U2AF2: variants seen among roughly 807,000 people sequenced by gnomAD.
U2AF2 encodes the protein splicing factor U2AF 65 kDa subunit.
In U2AF2, 6 loss-of-function variants were observed where a neutral mutation model predicts 52.6. The observed-to-expected ratio is 0.11, with a 90% confidence interval of 0.06 to 0.23. The LOEUF is 0.23. Ranked by LOEUF, U2AF2 falls within the 10% of genes least tolerant of loss-of-function variation. The pLI, the probability that U2AF2 is intolerant of heterozygous loss-of-function variation, is 1.00. For synonymous variants in U2AF2, 284 were observed against 258.2 expected (o/e 1.10, Z -0.96); for missense variants, 222 against 677.1 (o/e 0.33, Z 7.46).
At position 55,668,955 on chromosome 19, in the gene U2AF2, A is replaced by G. The variant is rs1459407332; in HGVS notation, c.946-128A>G. On this transcript the variant is annotated intron_variant, in intron 9 of 11. Transcript: ENST00000308924. The surrounding 1 kb of genome is among the most constrained non-coding windows in gnomAD (Gnocchi z 5.5). ...CTGTCCCATGGCGTTGGCTTTTTCC[A>G]GGCTCTTAATCCCCTTTGCCTTCCC... 2.7e-6 allele frequency: 4 copies of G among 1,476,156 alleles called. No homozygotes were observed. The South Asian group carries it at 5.2e-5, about 19-fold the overall frequency. 91.4% of individuals were successfully genotyped at this position (1,476,156 alleles called of 1,614,324 possible).
At chr19:55,662,233 G>A in intron 5 of U2AF2, 1 of 357,232 alleles carries the variant, frequency 2.8e-6, no homozygotes, top group Non-Finnish European at 5.1e-6. Context: ...ATTTTTTGGG[G>A]CCCCTGTGGC....
At chr19:55,665,084 C>T (rs147416840) in intron 7 of U2AF2, among the ~76,000 whole-genome samples, 4 of 152,322 alleles carry the variant, frequency 2.6e-5, no homozygotes, top group African/African-American at 7.2e-5. Flanking sequence ...TATATGTTGA[C>T]ATGCTCCCAA....
intron 11 of U2AF2, among the ~76,000 whole-genome samples, chr19:55,672,320 T>C (rs554200386): frequency 6.6e-6 from 1 of 152,206 alleles, no homozygotes; most frequent in Admixed American, 6.5e-5. Flanking sequence ...AATTTTCATA[T>C]TCAGCTTATT....
chr19:55,655,912 AC>A lies in U2AF2; in HGVS notation c.49+761del, dbSNP rs770747566. The stretch of plus-strand genomic sequence containing the variant: ...TCGCGATATGGAGTGTTTGAGACAA[AC>A]CTCAAATCATTTACAATCCCAATCT... On this transcript the variant is annotated intron_variant, in intron 1 of 11. Coordinates refer to ENST00000308924, the MANE Select transcript of U2AF2 (RefSeq NM_007279.3). Among the ~76,000 whole-genome samples, 28 of 152,146 alleles carry A rather than the reference AC, an allele frequency of 1.8e-4. No individual in the cohort carries two copies. The East Asian group carries it at 3.5e-3, about 19-fold the overall frequency.
chr19:55,661,081 C>A lies in U2AF2; in HGVS notation c.378C>A (p.Thr126=). 6.2e-7 allele frequency: 1 copy of A among 1,609,484 alleles called. No homozygotes were observed. Among genetic ancestry groups the A allele is most frequent in the Non-Finnish European group, 8.5e-7 (1 of 1,176,448 alleles). ...CCACTGCTCTTCTCCCCACCATGAC[C>A]CCTGACGGTCTGGCTGTGACCCCAA... ...IPATALLPTM[T]PDGLAVTPTP... is the part of the protein sequence containing the mutation. Residue 126 remains threonine (T), a synonymous_variant, in exon 5 of 12, where the codon ACC becomes ACA. Coordinates refer to ENST00000308924, the MANE Select transcript of U2AF2 (RefSeq NM_007279.3).
intron 1 of U2AF2, among the ~76,000 whole-genome samples, chr19:55,658,299 G>GC (rs111842476): frequency 7.3e-4 from 46 of 62,908 alleles, no homozygotes; most frequent in Admixed American, 2.1e-3. Context: ...GAACCCCCCC[G>GC]CCCCCCCATG....
intron 1 of U2AF2, 74 bp from the exon 2 acceptor site, chr19:55,659,136 A>T (rs1983988489): frequency 4.9e-6 from 7 of 1,421,806 alleles, no homozygotes; most frequent in Non-Finnish European, 5.6e-6. Flanking sequence ...GGACATAGCC[A>T]CCAGCGCGCA....
chr19:55,658,790 G>A (rs534755258), intron 1 of U2AF2: 1 of 161,382 alleles, frequency 6.2e-6, no homozygotes, highest in African/African-American at 2.4e-5. Flanking sequence ...GTGCCAGCTA[G>A]TTGCAGAGGT....
At position 55,668,846 on chromosome 19, in the gene U2AF2, G is replaced by T; in HGVS notation, c.945+54G>T. 1 of 1,576,232 alleles carries T rather than the reference G, an allele frequency of 6.3e-7. No homozygotes were observed. Among genetic ancestry groups the T allele is most frequent in the Non-Finnish European group, 8.6e-7 (1 of 1,157,356 alleles). ...CGTCTGTCCTTCCCTGCCCTGCGCTGTTGCCAAGCCATGGTCTCCCCTCCT... is the reference window on the plus strand; with the variant it reads ...CGTCTGTCCTTCCCTGCCCTGCGCTTTTGCCAAGCCATGGTCTCCCCTCCT... On this transcript the variant is annotated intron_variant, in intron 9 of 11. Coordinates refer to ENST00000308924, the MANE Select transcript of U2AF2 (RefSeq NM_007279.3). This position sits in a 1 kb window ranked among gnomAD's most constrained non-coding sequence, Gnocchi z 5.5.
intron 11 of U2AF2, among the ~76,000 whole-genome samples, chr19:55,673,414 T>G (rs527302866): frequency 6.6e-6 from 1 of 152,094 alleles, no homozygotes; most frequent in South Asian, 2.1e-4. Context: ...CATTGTATCC[T>G]TCCCTCCCTC....
chr19:55,666,052 G>A (rs1352947310), intron 7 of U2AF2, among the ~76,000 whole-genome samples: 1 of 152,212 alleles, frequency 6.6e-6, no homozygotes, highest in African/African-American at 2.4e-5. Context: ...AGGAACCGTG[G>A]GTTATGGATC....
At position 55,668,127 on chromosome 19, in the gene U2AF2, A is replaced by AGGGGT. The variant is rs1984662735; in HGVS notation, c.743-373_743-369dup. ...GCCTTGCCTGGGTGGCTGTCAGAGA[A>AGGGGT]GGGGTGGGGTGTGTTGTGACTCACC... On this transcript the variant is annotated intron_variant, in intron 7 of 11. Coordinates refer to ENST00000308924, the MANE Select transcript of U2AF2 (RefSeq NM_007279.3). The surrounding 1 kb of genome is among the most constrained non-coding windows in gnomAD (Gnocchi z 5.5). Among the ~76,000 whole-genome samples the AGGGGT allele has an allele frequency of 6.6e-6, 1 of 152,100 alleles. No individual in the cohort carries two copies. The highest frequency in any genetic ancestry group is 1.5e-5 in the Non-Finnish European group (1 of 67,996).
chr19:55,666,215 A>AG (rs1984541280), intron 7 of U2AF2, among the ~76,000 whole-genome samples: 1 of 152,114 alleles, frequency 6.6e-6, no homozygotes, highest in African/African-American at 2.4e-5. Context: ...TCACCATGGG[A>AG]GGGGACATTG....
intron 7 of U2AF2, among the ~76,000 whole-genome samples, chr19:55,666,732 A>G (rs1042577206): frequency 3.3e-5 from 5 of 152,212 alleles, no homozygotes; most frequent in African/African-American, 1.2e-4. Context: ...CCATGAACCC[A>G]GGGAGCCCAA....
chr19:55,669,797 C>T (rs1600083538), intron 11 of U2AF2, 105 bp downstream of exon 11: 1 of 1,435,100 alleles, frequency 7.0e-7, no homozygotes, highest in Non-Finnish European at 9.2e-7. Context: ...CTCCTCTTCT[C>T]CGCGCGCTCT....
chr19:55,667,982 A>G (rs1984653535), intron 7 of U2AF2, among the ~76,000 whole-genome samples: 1 of 152,006 alleles, frequency 6.6e-6, no homozygotes, highest in Non-Finnish European at 1.5e-5. Context: ...ACGGGGTTTC[A>G]CCATGTTGGA....
Position 55,668,024 on chromosome 19 carries a change from T to C in U2AF2, c.743-483T>C, listed in dbSNP as rs887852033. On this transcript the variant is annotated intron_variant, in intron 7 of 11. Coordinates refer to ENST00000308924, the MANE Select transcript of U2AF2 (RefSeq NM_007279.3). This position sits in a 1 kb window ranked among gnomAD's most constrained non-coding sequence, Gnocchi z 5.5. ...GGTCTTATCTCTTGACCTTGTGATC[T>C]GCCCGCCTTGGCCTCCCAAAGTGCT... 1.3e-5 allele frequency among the ~76,000 whole-genome samples: 2 copies of C among 152,090 alleles called. No homozygotes were observed. The highest frequency in any genetic ancestry group is 2.9e-5 in the Non-Finnish European group (2 of 68,006).
At chr19:55,657,091 T>C (rs1007089451) in intron 1 of U2AF2, among the ~76,000 whole-genome samples, 6 of 152,254 alleles carry the variant, frequency 3.9e-5, no homozygotes. Flanking sequence ...AGTTCCACTC[T>C]GCTGGACCAA....
intron 5 of U2AF2, chr19:55,662,081 C>G (rs1275387541): frequency 5.9e-6 from 1 of 169,074 alleles, no homozygotes; most frequent in African/African-American, 2.4e-5. Flanking sequence ...TTTCTACTTT[C>G]CTGCCACTTT....
Sources: allele counts gnomAD v4.1 joint callset (sites outside exome capture counted in the v4.1 genomes callset), GRCh38; gene constraint gnomAD v4.1.1; non-coding constraint Gnocchi (gnomAD v3.1); transcripts MANE v1.5; gene names NCBI Gene and HGNC (gene_info 2026-07-23, HGNC 2026-07-21).